RCAN1: variants seen among roughly 807,000 people sequenced by gnomAD.
The protein encoded by RCAN1 is calcipressin-1.
Under a neutral mutation model 22.9 loss-of-function variants are expected in RCAN1, and 11 were observed. The ratio of observed to expected loss-of-function variants is 0.48; its 90% CI spans 0.30 to 0.79. RCAN1 has a LOEUF of 0.79. RCAN1 is among the 30% of genes least tolerant of loss of function. RCAN1 has a pLI of 0.06. For synonymous variants in RCAN1, 136 were observed against 142.3 expected, an observed-to-expected ratio of 0.96 and a Z score of 0.32; for missense variants, 291 against 337.8, an observed-to-expected ratio of 0.86 and a Z score of 1.09.
intron 1 of RCAN1, chr21:34,525,114 GTC>G (rs1984935761): frequency 1.3e-6 from 2 of 1,550,612 alleles, no homozygotes; most frequent in African/African-American, 2.7e-5. Flanking sequence ...AAGGCGCAGT[GTC>G]TCTGCAGTGG....
intron 1 of RCAN1, among the ~76,000 whole-genome samples, chr21:34,589,117 A>C (rs1487449327): frequency 6.6e-6 from 1 of 152,226 alleles, no homozygotes; most frequent in African/African-American, 2.4e-5. Flanking sequence ...TTAATATTTA[A>C]TACCTCTGAA....
chr21:34,522,674 T>G (rs1984667447), intron 2 of RCAN1: 1 of 141,786 alleles, frequency 7.1e-6, no homozygotes, highest in Non-Finnish European at 1.5e-5. Context: ...GGGGAGGCCT[T>G]TGGACAGGGT....
At chr21:34,608,924 C>T (rs1174726658) in intron 1 of RCAN1, among the ~76,000 whole-genome samples, 1 of 152,172 alleles carries the variant, frequency 6.6e-6, no homozygotes, top group Non-Finnish European at 1.5e-5. Context: ...ATAGCCTTAA[C>T]CAGTATGCTT....
At chr21:34,591,609 G>A (rs1987976227) in intron 1 of RCAN1, among the ~76,000 whole-genome samples, 3 of 152,212 alleles carry the variant, frequency 2.0e-5, no homozygotes, top group South Asian at 4.1e-4. Context: ...TGAGCTTTGA[G>A]TGCAACTATT....
intron 1 of RCAN1, among the ~76,000 whole-genome samples, chr21:34,580,027 G>A (rs1310975067): frequency 6.6e-6 from 1 of 152,206 alleles, no homozygotes; most frequent in African/African-American, 2.4e-5. Context: ...AACACCCGGT[G>A]TCAGAGAACA....
chr21:34,601,707 A>G (rs1234450320), intron 1 of RCAN1, among the ~76,000 whole-genome samples: 1 of 151,694 alleles, frequency 6.6e-6, no homozygotes, highest in Non-Finnish European at 1.5e-5. Context: ...AGTCCCAGCT[A>G]CTTGGGAGGC....
chr21:34,530,525 A>G (rs1200621623), intron 1 of RCAN1, among the ~76,000 whole-genome samples: 2 of 152,192 alleles, frequency 1.3e-5, no homozygotes, highest in Non-Finnish European at 2.9e-5. Context: ...CACTGAGCAA[A>G]AAATGAGGCA....
chr21:34,543,617 C>T (rs150818711), intron 1 of RCAN1, among the ~76,000 whole-genome samples: 4 of 152,326 alleles, frequency 2.6e-5, no homozygotes, highest in African/African-American at 9.6e-5. Flanking sequence ...AAATTTAAGA[C>T]TGGAGAAAGG....
intron 1 of RCAN1, among the ~76,000 whole-genome samples, chr21:34,608,962 G>A (rs998587994): frequency 6.6e-6 from 1 of 152,062 alleles, no homozygotes; most frequent in African/African-American, 2.4e-5. Context: ...GACTTCACTG[G>A]GGAATGTGAG....
At chr21:34,601,634 C>A (rs188088618) in intron 1 of RCAN1, among the ~76,000 whole-genome samples, 1 of 151,974 alleles carries the variant, frequency 6.6e-6, no homozygotes, top group Non-Finnish European at 1.5e-5. Flanking sequence ...TTGGCTAACA[C>A]GGTGAAACCC....
At chr21:34,546,789 T>C (rs1343765314) in intron 1 of RCAN1, among the ~76,000 whole-genome samples, 6 of 152,204 alleles carry the variant, frequency 3.9e-5, no homozygotes, top group Admixed American at 3.9e-4. Flanking sequence ...AAGCATTCAA[T>C]TCCATTTTAG....
At chr21:34,527,390 T>C (rs183949505) in intron 1 of RCAN1, among the ~76,000 whole-genome samples, 271 of 152,290 alleles carry the variant, frequency 1.8e-3, no homozygotes, top group African/African-American at 6.3e-3. Context: ...TCAATAAAAA[T>C]TTTAAAGGAC....
chr21:34,521,409 A>G lies in RCAN1; in HGVS notation c.586+90T>C, dbSNP rs757187098. 6.9e-6 allele frequency: 11 copies of G among 1,600,720 alleles called. No individual in the cohort carries two copies. The Admixed American group carries it at 8.5e-5, about 12-fold the overall frequency. ...AAACATGCCGGCATGGGCTCAGGAG[A>G]GCTACGGGGGTAGTGGTGGTACTGC... On this transcript the variant is annotated intron_variant, in intron 3 of 3. Transcript: ENST00000313806.
At chr21:34,536,263 C>T (rs921222665) in intron 1 of RCAN1, among the ~76,000 whole-genome samples, 1 of 152,186 alleles carries the variant, frequency 6.6e-6, no homozygotes, top group Non-Finnish European at 1.5e-5. Flanking sequence ...GCCAAAGCCA[C>T]CCTAATTAAT....
intron 3 of RCAN1, chr21:34,521,004 C>T (rs372218172): frequency 3.2e-5 from 32 of 1,012,708 alleles, no homozygotes; most frequent in South Asian, 2.2e-4. Context: ...GCAGCCCGAC[C>T]GCGGCCCTTC....
intron 1 of RCAN1, among the ~76,000 whole-genome samples, chr21:34,584,461 A>T (rs1987722112): frequency 1.3e-5 from 2 of 152,248 alleles, no homozygotes; most frequent in Admixed American, 1.3e-4. Flanking sequence ...TCATAATGAT[A>T]GTTCGTTCTT....
intron 1 of RCAN1, among the ~76,000 whole-genome samples, chr21:34,545,633 C>T (rs1175434729): frequency 1.3e-5 from 2 of 152,308 alleles, no homozygotes; most frequent in African/African-American, 2.4e-5. Flanking sequence ...GTTACACTAA[C>T]GACATTGTGG....
intron 1 of RCAN1, among the ~76,000 whole-genome samples, chr21:34,556,794 C>T (rs964349053): frequency 5.3e-5 from 8 of 152,220 alleles, no homozygotes; most frequent in Admixed American, 5.2e-4. Flanking sequence ...TCCAATGTAA[C>T]AGAAGAATAC....
In RCAN1 at chr21:34,518,989, C is replaced by T. The variant is rs777054102; in HGVS notation, c.587-733G>A. 2.0e-4 allele frequency among the ~76,000 whole-genome samples: 30 copies of T among 152,324 alleles called. No individual in the cohort carries two copies. The highest frequency in any genetic ancestry group is 2.2e-4 in the Non-Finnish European group (15 of 68,032). ...TCCCGCTGGGGTGCCGCTCTGGCCA[C>T]GGGAAGAGTGTGCATCTCTGGTGCT... On this transcript the variant is annotated intron_variant, in intron 3 of 3. Transcript: ENST00000313806. This position sits in a 1 kb window ranked among gnomAD's most constrained non-coding sequence, Gnocchi z 4.2.
Sources: allele counts gnomAD v4.1 joint callset (sites outside exome capture counted in the v4.1 genomes callset), GRCh38; gene constraint gnomAD v4.1.1; non-coding constraint Gnocchi (gnomAD v3.1); transcripts MANE v1.5; gene names NCBI Gene and HGNC (gene_info 2026-07-23, HGNC 2026-07-21).